PLCB1: variants seen among roughly 807,000 people sequenced by gnomAD.
PLCB1 encodes phospholipase C beta 1.
PLCB1 carries 46 observed loss-of-function variants against 161.8 expected under a neutral mutation model. The ratio of observed to expected loss-of-function variants is 0.28; its 90% CI spans 0.22 to 0.36. The LOEUF is 0.36. PLCB1 is among the 10% of genes least tolerant of loss of function. The pLI is 1.00. For missense variants in PLCB1, 1,016 were observed against 1,472.5 expected, an observed-to-expected ratio of 0.69 and a Z score of 5.07; for synonymous variants, 517 against 503.7, an observed-to-expected ratio of 1.03 and a Z score of -0.35.
At chr20:8,219,800 A>AT (rs1394197875) in intron 2 of PLCB1, among the ~76,000 whole-genome samples, 1 of 152,142 alleles carries the variant, frequency 6.6e-6, no homozygotes, top group Non-Finnish European at 1.5e-5. Flanking sequence ...ATACATAAGA[A>AT]TTTGAATTGT....
intron 2 of PLCB1, among the ~76,000 whole-genome samples, chr20:8,184,836 G>A (rs1293267620): frequency 6.7e-6 from 1 of 149,834 alleles, no homozygotes; most frequent in Non-Finnish European, 1.5e-5. Flanking sequence ...TACATGTGCA[G>A]AATGTGCAGG....
chr20:8,843,062 A>G (rs1986567634), intron 31 of PLCB1, among the ~76,000 whole-genome samples: 1 of 152,212 alleles, frequency 6.6e-6, no homozygotes, highest in Non-Finnish European at 1.5e-5. Context: ...CAGTCTTTGC[A>G]ATTGAGAGTA....
At chr20:8,371,794 A>G (rs1396964490) in intron 3 of PLCB1, 1 of 199,202 alleles carries the variant, frequency 5.0e-6, no homozygotes, top group Non-Finnish European at 1.0e-5. Flanking sequence ...TATGGGAACT[A>G]ACCGTTAGAC....
At chr20:8,307,466 C>A (rs1382534442) in intron 2 of PLCB1, among the ~76,000 whole-genome samples, 7 of 152,214 alleles carry the variant, frequency 4.6e-5, no homozygotes, top group Non-Finnish European at 1.0e-4. Context: ...CCACCTTTAG[C>A]ATTTAGACAG....
intron 25 of PLCB1, among the ~76,000 whole-genome samples, chr20:8,764,208 G>A (rs932184060): frequency 6.6e-6 from 1 of 152,082 alleles, no homozygotes; most frequent in African/African-American, 2.4e-5. Context: ...ATATAGTAAA[G>A]TGGGCTGCTA....
intron 3 of PLCB1, among the ~76,000 whole-genome samples, chr20:8,464,703 A>T (rs151035953): frequency 3.3e-5 from 5 of 152,156 alleles, no homozygotes; most frequent in Non-Finnish European, 4.4e-5. Flanking sequence ...CATAGCCATA[A>T]CATAGAGAAG....
At chr20:8,308,087 C>A (rs1421879504) in intron 2 of PLCB1, among the ~76,000 whole-genome samples, 2 of 151,970 alleles carry the variant, frequency 1.3e-5, no homozygotes, top group African/African-American at 2.4e-5. Flanking sequence ...TGCATTGCTG[C>A]TTTGTGCTTT....
intron 3 of PLCB1, among the ~76,000 whole-genome samples, chr20:8,411,776 C>A (rs1165672718): frequency 1.3e-5 from 2 of 152,154 alleles, no homozygotes; most frequent in Non-Finnish European, 2.9e-5. Flanking sequence ...GAAGTCCCAG[C>A]GCTTTGGGAG....
At chr20:8,840,251 A>T (rs533965492) in intron 31 of PLCB1, among the ~76,000 whole-genome samples, 1 of 152,318 alleles carries the variant, frequency 6.6e-6, no homozygotes, top group Admixed American at 6.5e-5. Context: ...CCTCAAGCAT[A>T]GCCCTGCGCC....
chr20:8,632,313 G>T (rs1988627050), intron 4 of PLCB1, among the ~76,000 whole-genome samples: 1 of 151,934 alleles, frequency 6.6e-6, no homozygotes, highest in Non-Finnish European at 1.5e-5. Flanking sequence ...GACAGTTTGG[G>T]TACATTCTTC....
intron 2 of PLCB1, among the ~76,000 whole-genome samples, chr20:8,285,354 T>C (rs960216812): frequency 6.6e-6 from 1 of 151,774 alleles, no homozygotes; most frequent in African/African-American, 2.4e-5. Flanking sequence ...TTTTATTCCT[T>C]TTCATATTTA....
At chr20:8,215,169 C>T (rs182171761) in intron 2 of PLCB1, among the ~76,000 whole-genome samples, 1 of 152,158 alleles carries the variant, frequency 6.6e-6, no homozygotes, top group Admixed American at 6.6e-5. Context: ...CTTCTGAAAG[C>T]TCCCATCAGA....
intron 3 of PLCB1, among the ~76,000 whole-genome samples, chr20:8,483,863 A>G (rs1394787295): frequency 6.6e-6 from 1 of 152,224 alleles, no homozygotes; most frequent in Non-Finnish European, 1.5e-5. Flanking sequence ...TAAAATAATG[A>G]TAAAATAAAT....
chr20:8,634,538 T>A (rs1256274007), intron 4 of PLCB1, among the ~76,000 whole-genome samples: 2 of 152,214 alleles, frequency 1.3e-5, no homozygotes, highest in African/African-American at 4.8e-5. Context: ...CCTGCCATCT[T>A]GTTAAGCCCT....
At chr20:8,425,136 T>TTG (rs970298789) in intron 3 of PLCB1, among the ~76,000 whole-genome samples, 6 of 151,390 alleles carry the variant, frequency 4.0e-5, no homozygotes, top group African/African-American at 1.2e-4. Context: ...AGGTGTTTTT[T>TTG]TTTTTTTTTT....
At chr20:8,876,627 G>A (rs368203933) in intron 31 of PLCB1, among the ~76,000 whole-genome samples, 78 of 152,304 alleles carry the variant, frequency 5.1e-4, no homozygotes, top group African/African-American at 1.9e-3. Context: ...AAGTTGATGA[G>A]TCTATGAACT....
intron 3 of PLCB1, among the ~76,000 whole-genome samples, chr20:8,625,668 G>A (rs540385309): frequency 1.3e-5 from 2 of 152,228 alleles, no homozygotes; most frequent in South Asian, 4.1e-4. Flanking sequence ...TTCTGAGTAA[G>A]TGTTTCTCAA....
At chr20:8,197,445 C>T (rs1286601627) in intron 2 of PLCB1, among the ~76,000 whole-genome samples, 1 of 152,156 alleles carries the variant, frequency 6.6e-6, no homozygotes, top group Non-Finnish European at 1.5e-5. Context: ...TGTCTGTTGG[C>T]TGCATAAATG....
At chr20:8,581,649 C>T (rs879339903) in intron 3 of PLCB1, among the ~76,000 whole-genome samples, 10 of 152,088 alleles carry the variant, frequency 6.6e-5, no homozygotes, top group Non-Finnish European at 1.5e-4. Context: ...CAGGTTTGCC[C>T]AGGACTGAGG....
Sources: gnomAD v4.1 joint callset for allele counts (sites outside exome capture counted in the v4.1 genomes callset) on GRCh38, gnomAD v4.1.1 for gene constraint, MANE v1.5 for transcripts, NCBI Gene and HGNC (gene_info 2026-07-23, HGNC 2026-07-21) for gene names.